The following APPBP2 variants were observed in gnomAD, a reference collection of about 807,000 sequenced individuals.
APPBP2 encodes amyloid beta precursor protein binding protein 2, also known as amyloid protein-binding protein 2.
APPBP2 carries 15 observed loss-of-function variants against 76.0 expected under a neutral mutation model. The ratio of observed to expected loss-of-function variants is 0.20; its 90% confidence interval spans 0.13 to 0.30. The LOEUF is 0.30. APPBP2 is among the 10% of genes least tolerant of loss of function. The pLI, the probability that APPBP2 is intolerant of heterozygous loss-of-function variation, is 1.00. For synonymous variants in APPBP2, 222 were observed against 242.2 expected (o/e 0.92, Z 0.77); for missense variants, 401 against 687.2 (o/e 0.58, Z 4.66).
chr17:60,459,197 G>A (rs1050603874), intron 9 of APPBP2, among the ~76,000 whole-genome samples: 2 of 151,990 alleles, frequency 1.3e-5, no homozygotes, highest in South Asian at 2.1e-4. Context: ...GTAAAGCTTC[G>A]TCTATGAAAT....
intron 6 of APPBP2, 70 bp downstream of exon 6, chr17:60,463,951 G>GTTT (rs1486638318): frequency 1.3e-5 from 14 of 1,084,482 alleles, no homozygotes; most frequent in Non-Finnish European, 1.5e-5. Context: ...TTAAATAACA[G>GTTT]GTTAATTAAA....
rs1186439784 is a variant in APPBP2 at position 60,450,189 on chromosome 17, A to G, written c.1504+1691T>C. ...GGTGGCTCATGAGGCCTGTAATCCC[A>G]GCACTCTGGGAGGCCAAGGCAGGCA... On this transcript the variant is annotated intron_variant, in intron 12 of 12. Transcript: ENST00000083182. Among the ~76,000 whole-genome samples, 4 of 147,318 alleles carry G rather than the reference A, an allele frequency of 2.7e-5. 1 individual carries two copies. The highest frequency in any genetic ancestry group is 2.7e-4 in the Admixed American group (4 of 15,052).
At position 60,482,140 on chromosome 17, in the gene APPBP2, C is replaced by T. The variant is rs560216725; in HGVS notation, c.380-2869G>A. Among the ~76,000 whole-genome samples the T allele has an allele frequency of 2.1e-4, 32 of 152,260 alleles. 2 individuals carry two copies. The South Asian group carries it at 6.7e-3, about 32-fold the overall frequency. On this transcript the variant is annotated intron_variant, in intron 3 of 12. Coordinates refer to ENST00000083182, the MANE Select transcript of APPBP2 (RefSeq NM_006380.5). ...AGGAGATCCGCCCACCTCAGCCTCC[C>T]AAAGTGCTGGGATTACAGGTGTGAG...
At chr17:60,522,261 C>T (rs1309690865) in intron 1 of APPBP2, among the ~76,000 whole-genome samples, 1 of 152,300 alleles carries the variant, frequency 6.6e-6, no homozygotes, top group East Asian at 1.9e-4. Flanking sequence ...CTATCACTTA[C>T]CCGCAGCAAA....
Position 60,503,013 on chromosome 17 carries a change from C to CTTT in APPBP2, c.139-2529_139-2527dup, listed in dbSNP as rs773905454. On this transcript the variant is annotated intron_variant, in intron 1 of 12. Transcript: ENST00000083182. ...TTTGATATTTGGCTGTTTAAATTTTCTTTTTTTTTTTTTTTTGGGACAGAG... is the reference window on the plus strand; with the variant it reads ...TTTGATATTTGGCTGTTTAAATTTTCTTTTTTTTTTTTTTTTTTTGGGACAGAG... Among the ~76,000 whole-genome samples, 5 of 126,488 alleles carry CTTT rather than the reference C, an allele frequency of 4.0e-5. 1 individual carries two copies. The highest frequency in any genetic ancestry group is 1.4e-4 in the African/African-American group (4 of 29,412). The allele number at this position is 126,488 out of a possible 152,430, so 83.0% of individuals were successfully genotyped here.
At chr17:60,497,009 C>T (rs188842146) in intron 2 of APPBP2, among the ~76,000 whole-genome samples, 6 of 152,334 alleles carry the variant, frequency 3.9e-5, no homozygotes, top group African/African-American at 1.2e-4. Flanking sequence ...GTGTGAGCCA[C>T]CACGCCCAGC....
chr17:60,494,686 C>T, intron 2 of APPBP2, 69 bp from the exon 3 acceptor site: 1 of 1,340,158 alleles, frequency 7.5e-7, no homozygotes, highest in South Asian at 1.5e-5. Context: ...GTGCTAACTG[C>T]TTCTCTTTTA....
At chr17:60,450,763 T>C (rs1598345075) in intron 12 of APPBP2, among the ~76,000 whole-genome samples, 1 of 136,912 alleles carries the variant, frequency 7.3e-6, no homozygotes, top group African/African-American at 2.8e-5. Context: ...CAGAGTAAGA[T>C]CCTGTCTCAA....
chr17:60,498,111 A>G (rs1269537196), intron 2 of APPBP2, among the ~76,000 whole-genome samples: 6 of 151,996 alleles, frequency 3.9e-5, no homozygotes, highest in African/African-American at 7.2e-5. Flanking sequence ...TGGGTGATGG[A>G]AGTGAGACCC....
intron 4 of APPBP2, among the ~76,000 whole-genome samples, chr17:60,474,074 A>G (rs894910190): frequency 6.6e-6 from 1 of 152,224 alleles, no homozygotes; most frequent in African/African-American, 2.4e-5. Context: ...CACTTTTCAA[A>G]GTAATCTTTA....
intron 1 of APPBP2, among the ~76,000 whole-genome samples, chr17:60,518,503 CGTGTGTGTGT>C (rs146968316): frequency 4.5e-5 from 6 of 134,216 alleles, no homozygotes; most frequent in African/African-American, 1.9e-4. Flanking sequence ...CATGCCCAGC[CGTGTGTGTGT>C]GTGTGTGTGT....
At position 60,461,903 on chromosome 17, in the gene APPBP2, T is replaced by C. The variant is rs755905802; in HGVS notation, c.843A>G (p.Gly281=). The change falls in exon 8 of 13, where the codon GGA becomes GGG. Residue 281 remains glycine, a synonymous_variant. Coordinates refer to ENST00000083182, the MANE Select transcript of APPBP2 (RefSeq NM_006380.5). ...TATCAGAATATTTTGGGTGTTTGGA[T>C]CCAAAATGATCCCTATAAAAAGACA... ...HAVYLARDHF[G]SKHPKYSDTL... is the part of the protein sequence containing the mutation. 50 of 1,612,338 alleles carry C rather than the reference T, an allele frequency of 3.1e-5. No individual in the cohort carries two copies. Among genetic ancestry groups the C allele is most frequent in the Non-Finnish European group, 4.1e-5 (48 of 1,178,900 alleles).
Position 60,480,092 on chromosome 17 carries a change from G to C in APPBP2, c.380-821C>G, listed in dbSNP as rs558785487. ...TATTCAGGATTAGTTACAATAACCA[G>C]AAAACACAAAGTAACATACCATCAT... On this transcript the variant is annotated intron_variant, in intron 3 of 12. Transcript: ENST00000083182. Among the ~76,000 whole-genome samples, 11 of 152,192 alleles carry C rather than the reference G, an allele frequency of 7.2e-5. No individual in the cohort carries two copies. The South Asian group carries it at 1.7e-3, about 23-fold the overall frequency.
chr17:60,494,374 G>A (rs953225535), intron 3 of APPBP2, 92 bp downstream of exon 3: 7 of 1,426,444 alleles, frequency 4.9e-6, no homozygotes, highest in Non-Finnish European at 6.7e-6. Flanking sequence ...TTCTTACGTA[G>A]ACTTTGGGAA....
At chr17:60,451,748 G>T in intron 12 of APPBP2, 132 bp downstream of exon 12, 1 of 731,800 alleles carries the variant, frequency 1.4e-6, no homozygotes, top group South Asian at 2.0e-5. Context: ...CAAAGTGCTG[G>T]GATTACAGGT....
chr17:60,519,560 C>T (rs539003294), intron 1 of APPBP2, among the ~76,000 whole-genome samples: 71 of 151,600 alleles, frequency 4.7e-4, no homozygotes, highest in Admixed American at 8.6e-4. Flanking sequence ...CTACTCGGGA[C>T]GATGAGGCAG....
At chr17:60,478,172 C>G (rs73328410) in intron 4 of APPBP2, among the ~76,000 whole-genome samples, 14,745 of 151,828 alleles carry the variant, frequency 0.097, 2,362 homozygotes, top group African/African-American at 0.33. Context: ...AGTTACCTTA[C>G]GATAAAGAAT....
At chr17:60,494,847 T>C (rs2090760657) in intron 2 of APPBP2, among the ~76,000 whole-genome samples, 1 of 152,190 alleles carries the variant, frequency 6.6e-6, no homozygotes, top group African/African-American at 2.4e-5. Flanking sequence ...ACACAATGTG[T>C]AACTTGATGA....
intron 1 of APPBP2, among the ~76,000 whole-genome samples, chr17:60,508,707 T>A (rs1289882276): frequency 6.6e-6 from 1 of 152,122 alleles, no homozygotes; most frequent in Non-Finnish European, 1.5e-5. Flanking sequence ...AAACCTCCAG[T>A]CCAGGACACA....
Sources: gnomAD v4.1 joint callset for allele counts (sites outside exome capture counted in the v4.1 genomes callset) on GRCh38, gnomAD v4.1.1 for gene constraint, MANE v1.5 for transcripts, NCBI Gene and HGNC (gene_info 2026-07-23, HGNC 2026-07-21) for gene names.